The following EARS2 variants were observed in gnomAD, a reference collection of about 807,000 sequenced individuals.
EARS2 encodes glutamyl-tRNA synthetase 2, mitochondrial, also known as nondiscriminating glutamyl-tRNA synthetase EARS2, mitochondrial.
EARS2 carries 50 observed loss-of-function variants against 54.1 expected under a neutral mutation model. The ratio of observed to expected loss-of-function variants is 0.92; its 90% CI spans 0.74 to 1.17. The LOEUF (loss-of-function observed/expected upper bound fraction) is 1.17, where lower values mean the gene tolerates loss of function less well. Ranked by LOEUF, EARS2 falls within the 50% of genes most tolerant of loss-of-function variation. The pLI, the probability that EARS2 is intolerant of heterozygous loss-of-function variation, is 0.00. For missense variants in EARS2, 673 were observed against 675.0 expected, an observed-to-expected ratio of 1.00 and a Z score of 0.03; for synonymous variants, 298 against 281.0, an observed-to-expected ratio of 1.06 and a Z score of -0.61.
In EARS2 at chr16:23,552,437, G is replaced by A; in HGVS notation, c.140-133C>T. 5.9e-6 allele frequency: 6 copies of A among 1,025,320 alleles called. No homozygotes were observed. In the East Asian group the frequency reaches 1.0e-4, roughly 18 times the overall value. The allele number at this position is 1,025,320 out of a possible 1,614,324, so 63.5% of individuals were successfully genotyped here. ...CAGCAGGACACATTGGCTCACGCCT[G>A]TAATCCTACCACTTTGGGAGGCCAA... On this transcript the variant is annotated intron_variant, in intron 1 of 8. Coordinates refer to ENST00000449606, the MANE Select transcript of EARS2 (RefSeq NM_001083614.2).
chr16:23,533,630 T>C (rs1965362770), intron 4 of EARS2, among the ~76,000 whole-genome samples: 1 of 152,216 alleles, frequency 6.6e-6, no homozygotes, highest in Non-Finnish European at 1.5e-5. Context: ...CCATCTCCAT[T>C]ACTCTCAAGA....
chr16:23,529,824 C>G lies in EARS2; in HGVS notation c.1141G>C (p.Glu381Gln). 1 of 1,614,162 alleles carries G rather than the reference C, an allele frequency of 6.2e-7. No individual in the cohort carries two copies. Among genetic ancestry groups the G allele is most frequent in the Non-Finnish European group, 8.5e-7 (1 of 1,180,034 alleles). The change falls in exon 6 of 9, where the codon GAG becomes CAG. Residue 381 changes from glutamate (E) to glutamine (Q), a missense_variant. Glu to Gln is a conservative substitution (Grantham distance 29). Coordinates refer to ENST00000449606, the MANE Select transcript of EARS2 (RefSeq NM_001083614.2). ...TGCAGCTGGCAACCAAAGGCCTCCTCCACAAGGACCTGCAGCTTCCCCACC... is the reference window on the plus strand; with the variant it reads ...TGCAGCTGGCAACCAAAGGCCTCCTGCACAAGGACCTGCAGCTTCCCCACC... ...QLVGKLQVLVEEAFGCQLQNR... is the reference protein window; with the variant it reads ...QLVGKLQVLVQEAFGCQLQNR...
At chr16:23,530,925 CTT>C (rs774957984) in intron 5 of EARS2, among the ~76,000 whole-genome samples, 49 of 149,272 alleles carry the variant, frequency 3.3e-4, no homozygotes, top group South Asian at 1.3e-3. Flanking sequence ...GAGTTTCACT[CTT>C]GTTGCCCAGG....
At chr16:23,548,446 G>A (rs1965641729) in intron 2 of EARS2, among the ~76,000 whole-genome samples, 1 of 152,140 alleles carries the variant, frequency 6.6e-6, no homozygotes, top group Non-Finnish European at 1.5e-5. Flanking sequence ...GGAATTCCAC[G>A]AGGGTGGGAC....
Position 23,524,300 on chromosome 16 carries a change from CT to C in EARS2, c.*70del. On this transcript the variant is annotated 3_prime_UTR_variant, in exon 9 of 9. Coordinates refer to ENST00000449606, the MANE Select transcript of EARS2 (RefSeq NM_001083614.2). ...TTCCCGACGGGCCCCAGGCCTCCTT[CT>C]GGTCTCTGAAAGCTGTTTCTAAGCT... 4 of 1,385,572 alleles carry C rather than the reference CT, an allele frequency of 2.9e-6. No individual in the cohort carries two copies. 85.8% of individuals were successfully genotyped at this position (1,385,572 alleles called of 1,614,324 possible). A position where few individuals can be genotyped will look rare whatever the true frequency, so the allele number is the denominator to read the frequency against.
intron 7 of EARS2, 82 bp from the exon 8 acceptor site, chr16:23,525,461 T>A (rs1965211980): frequency 6.9e-7 from 1 of 1,441,972 alleles, no homozygotes; most frequent in Non-Finnish European, 9.5e-7. Flanking sequence ...AGGTTATTGA[T>A]CAGCTACAGT....
intron 3 of EARS2, among the ~76,000 whole-genome samples, chr16:23,536,520 G>C (rs1381655194): frequency 6.6e-6 from 1 of 151,990 alleles, no homozygotes; most frequent in Non-Finnish European, 1.5e-5. Flanking sequence ...AAATCAGCCA[G>C]GTGTGGTGGT....
chr16:23,521,978 C>A lies in EARS2; in HGVS notation c.*2393G>T. ...GTTAACTTTTCAGAACCTCGGTTTC[C>A]ATATCTGTAACAGAAAAAAAAAATA... On this transcript the variant is annotated 3_prime_UTR_variant, in exon 9 of 9. Transcript: ENST00000449606. 1 of 360,482 alleles carries A rather than the reference C, an allele frequency of 2.8e-6. No individual in the cohort carries two copies. The highest frequency in any genetic ancestry group is 5.5e-6 in the Non-Finnish European group (1 of 180,906). 22.3% of individuals were successfully genotyped at this position (360,482 alleles called of 1,614,324 possible). A position where few individuals can be genotyped will look rare whatever the true frequency, so the allele number is the denominator to read the frequency against.
rs891147626 is a variant in EARS2 at position 23,522,902 on chromosome 16, T to C, written c.*1469A>G. On this transcript the variant is annotated 3_prime_UTR_variant, in exon 9 of 9. Transcript: ENST00000449606. ...AGGACCAGCTTTCAAGATTGCACAC[T>C]CCCATGGCTATTGGTGGGAGGCCTC... The C allele has an allele frequency of 6.6e-6, 1 of 152,170 alleles. No individual in the cohort carries two copies. Among genetic ancestry groups the C allele is most frequent in the Non-Finnish European group, 1.5e-5 (1 of 68,042 alleles). 9.4% of individuals were successfully genotyped at this position (152,170 alleles called of 1,614,324 possible).
chr16:23,556,993 G>C (rs893803511), intron 1 of EARS2: 2 of 759,418 alleles, frequency 2.6e-6, no homozygotes, highest in Non-Finnish European at 4.5e-6. Flanking sequence ...AAAGAGATGG[G>C]ATGGCACAAA....
chr16:23,534,816 A>G (rs879567788), intron 4 of EARS2, 72 bp downstream of exon 4: 22 of 1,339,230 alleles, frequency 1.6e-5, no homozygotes, highest in Non-Finnish European at 1.8e-5. Context: ...AAAGAGCAGG[A>G]CTGTCTGAGC....
intron 2 of EARS2, among the ~76,000 whole-genome samples, chr16:23,550,034 A>T (rs1364151783): frequency 6.6e-6 from 1 of 152,122 alleles, no homozygotes; most frequent in Non-Finnish European, 1.5e-5. Context: ...TCTTTTCTCC[A>T]TACTGGTTAT....
At chr16:23,552,357 A>G in intron 1 of EARS2, 53 bp from the exon 2 acceptor site, 3 of 1,583,140 alleles carry the variant, frequency 1.9e-6, no homozygotes, top group East Asian at 2.2e-5. Context: ...AATAGGCCTC[A>G]GCAAGGGGCA....
At chr16:23,553,412 C>T (rs566634355) in intron 1 of EARS2, among the ~76,000 whole-genome samples, 6 of 152,148 alleles carry the variant, frequency 3.9e-5, no homozygotes, top group Non-Finnish European at 7.4e-5. Context: ...CAATGATGTG[C>T]GCTGGGAAAA....
At chr16:23,549,872 T>C (rs576295926) in intron 2 of EARS2, among the ~76,000 whole-genome samples, 1 of 152,272 alleles carries the variant, frequency 6.6e-6, no homozygotes, top group South Asian at 2.1e-4. Context: ...GGCCTCTGCA[T>C]TGGCTATTCT....
chr16:23,535,780 C>T (rs770503968), intron 3 of EARS2, among the ~76,000 whole-genome samples: 9 of 152,058 alleles, frequency 5.9e-5, no homozygotes, highest in South Asian at 2.1e-4. Context: ...TTTTTCTCTC[C>T]AAAGGACAAG....
intron 3 of EARS2, among the ~76,000 whole-genome samples, chr16:23,543,306 G>C (rs1400074293): frequency 6.6e-6 from 1 of 151,528 alleles, no homozygotes; most frequent in Non-Finnish European, 1.5e-5. Context: ...TAGTTACTTG[G>C]GAGGCTGAGA....
chr16:23,550,806 A>C (rs890226731), intron 2 of EARS2: 1 of 152,200 alleles, frequency 6.6e-6, no homozygotes, highest in Non-Finnish European at 1.5e-5. Context: ...CACACATCTC[A>C]AAATAGTCTT....
chr16:23,544,539 C>A lies in EARS2; in HGVS notation c.460G>T (p.Ala154Ser), dbSNP rs1318941927. 1 of 1,614,000 alleles carries A rather than the reference C, an allele frequency of 6.2e-7. No homozygotes were observed. Among genetic ancestry groups the A allele is most frequent in the South Asian group, 1.1e-5 (1 of 91,050 alleles). Residue 154 changes from alanine to serine, a missense_variant, in exon 3 of 9, where the codon GCC (alanine) becomes TCC (serine). By Grantham distance (99) the Ala-to-Ser change is moderately conservative (BLOSUM62 1). Coordinates refer to ENST00000449606, the MANE Select transcript of EARS2 (RefSeq NM_001083614.2). ...PQRLELLKKE[A>S]LRNHQTPRYD... Reference sequence around the variant, plus strand: ...CGGGGCGTCTGGTGGTTCCGCAAGGCCTCCTTCTTCAGGAGCTCCAGCCGC... The same window carrying A: ...CGGGGCGTCTGGTGGTTCCGCAAGGACTCCTTCTTCAGGAGCTCCAGCCGC...
Sources: gnomAD v4.1 joint callset for allele counts (sites outside exome capture counted in the v4.1 genomes callset) on GRCh38, gnomAD v4.1.1 for gene constraint, MANE v1.5 for transcripts, NCBI Gene and HGNC (gene_info 2026-07-23, HGNC 2026-07-21) for gene names.